VPS13B: variants seen among roughly 807,000 people sequenced by gnomAD.
The protein encoded by VPS13B is vacuolar protein sorting 13 homolog B.
Under a neutral mutation model 426.4 loss-of-function variants are expected in VPS13B, and 285 were observed. That is an observed-to-expected ratio of 0.67 (90% CI 0.61 to 0.74). The LOEUF (loss-of-function observed/expected upper bound fraction) is 0.74, where lower values mean the gene tolerates loss of function less well. Among genes scored for constraint, VPS13B ranks in the 30% least tolerant of loss-of-function variants. The probability of loss-of-function intolerance (pLI) is 0.00; values close to 1 mark genes in which losing one functional copy is unlikely to be tolerated. For missense variants in VPS13B, 4,537 were observed against 4,782.6 expected (o/e 0.95, Z 1.51); for synonymous variants, 1,676 against 1,676.4 (o/e 1.00, Z 0.01).
At chr8:99,275,335 A>ATT (rs200867011) in intron 19 of VPS13B, 81 bp downstream of exon 19, 992 of 936,500 alleles carry the variant, frequency 1.1e-3, no homozygotes, top group South Asian at 1.5e-3. Flanking sequence ...ATTGGTATAT[A>ATT]TTTTTTTTTT....
At chr8:99,559,724 C>G (rs533372130) in intron 31 of VPS13B, among the ~76,000 whole-genome samples, 2 of 151,986 alleles carry the variant, frequency 1.3e-5, no homozygotes, top group African/African-American at 4.8e-5. Flanking sequence ...TGTAGATACG[C>G]GGCATTATTT....
intron 33 of VPS13B, among the ~76,000 whole-genome samples, chr8:99,619,541 A>G (rs574787355): frequency 1.3e-5 from 2 of 152,284 alleles, no homozygotes; most frequent in South Asian, 4.1e-4. Flanking sequence ...CTGCTCTTCT[A>G]TGCCTCAGTT....
intron 33 of VPS13B, among the ~76,000 whole-genome samples, chr8:99,588,291 G>A (rs1826415723): frequency 6.6e-6 from 1 of 151,624 alleles, no homozygotes; most frequent in Non-Finnish European, 1.5e-5. Context: ...GGATTGTCTT[G>A]GCAATGAGGG....
At chr8:99,166,787 ACTTACT>A (rs1464264356) in intron 15 of VPS13B, among the ~76,000 whole-genome samples, 1 of 152,200 alleles carries the variant, frequency 6.6e-6, no homozygotes, top group Non-Finnish European at 1.5e-5. Context: ...AAGCTGAAGG[ACTTACT>A]CTTACTGATT....
intron 37 of VPS13B, among the ~76,000 whole-genome samples, 183 bp from the exon 38 acceptor site, chr8:99,720,162 A>G (rs550614329): frequency 6.6e-6 from 1 of 152,224 alleles, no homozygotes; most frequent in South Asian, 2.1e-4. Context: ...TTTTGTTGTT[A>G]TATATTTATT....
intron 36 of VPS13B, among the ~76,000 whole-genome samples, chr8:99,713,265 G>A (rs940510058): frequency 2.0e-5 from 3 of 152,148 alleles, no homozygotes; most frequent in African/African-American, 4.8e-5. Context: ...ATGTTGTCAA[G>A]CCCATTCCTA....
At chr8:99,790,421 A>T (rs546064136) in intron 43 of VPS13B, among the ~76,000 whole-genome samples, 1 of 152,162 alleles carries the variant, frequency 6.6e-6, no homozygotes, top group African/African-American at 2.4e-5. Flanking sequence ...TGTATTACTT[A>T]TTGCGTTTAA....
In VPS13B at chr8:99,766,800, T is replaced by G; in HGVS notation, c.7077T>G (p.Asp2359Glu). 1 of 1,613,918 alleles carries G rather than the reference T, an allele frequency of 6.2e-7. No homozygotes were observed. The highest frequency in any genetic ancestry group is 8.5e-7 in the Non-Finnish European group (1 of 1,179,936). Residue 2359 changes from aspartate to glutamate, a missense_variant, in exon 40 of 62, where the codon GAT becomes GAG. Asp to Glu is a conservative substitution (Grantham distance 45). Transcript: ENST00000357162. ...TTCCTTGTAGCTTGGAATACTGGGA[T>G]GAACTCCAGAAGGTTTTTGTTGCAT... ...LQVPCSLEYWDELQKVFVAFR... is the reference protein window; with the variant it reads ...LQVPCSLEYWEELQKVFVAFR...
At chr8:99,861,975 CTG>C (rs1816861544) in intron 58 of VPS13B, 29 bp downstream of exon 58, 1 of 1,557,598 alleles carries the variant, frequency 6.4e-7, no homozygotes, top group Non-Finnish European at 8.7e-7. Context: ...TCCCACCTGT[CTG>C]TACTCCAGCA....
At chr8:99,384,187 T>G (rs1588315640) in intron 19 of VPS13B, 21 bp from the exon 20 acceptor site, 1 of 1,594,180 alleles carries the variant, frequency 6.3e-7, no homozygotes, top group East Asian at 2.2e-5. Flanking sequence ...TATGTAACAG[T>G]TTAAAAATCT....
intron 23 of VPS13B, among the ~76,000 whole-genome samples, chr8:99,443,113 C>T (rs1400859291): frequency 2.0e-5 from 3 of 151,882 alleles, no homozygotes; most frequent in Non-Finnish European, 4.4e-5. Flanking sequence ...ATCCTTTCTC[C>T]AATATATATA....
At chr8:99,436,216 A>G (rs1305381568) in intron 22 of VPS13B, among the ~76,000 whole-genome samples, 1 of 152,194 alleles carries the variant, frequency 6.6e-6, no homozygotes, top group African/African-American at 2.4e-5. Flanking sequence ...TATTTGTAGT[A>G]TAAAATGGAT....
intron 38 of VPS13B, 28 bp from the exon 39 acceptor site, chr8:99,720,835 T>C (rs1032086178): frequency 7.9e-5 from 125 of 1,585,400 alleles, no homozygotes; most frequent in Non-Finnish European, 1.1e-4. Context: ...CTTTAAATCA[T>C]ACAATTAATT....
chr8:99,210,940 A>G (rs943039277), intron 17 of VPS13B, among the ~76,000 whole-genome samples: 1 of 152,092 alleles, frequency 6.6e-6, no homozygotes, highest in African/African-American at 2.4e-5. Context: ...TCCTATTGGT[A>G]TGGCGTTCTT....
rs1236212587 is a variant in VPS13B at position 99,640,049 on chromosome 8, GAGAAAAGAAAAGAAAAGAAAAGAA to G, written c.5221-1760_5221-1737del. Among the ~76,000 whole-genome samples, 219 of 99,730 alleles carry G rather than the reference GAGAAAAGAAAAGAAAAGAAAAGAA, an allele frequency of 2.2e-3. 4 individuals are homozygous for G. The highest frequency in any genetic ancestry group is 3.0e-3 in the Non-Finnish European group (150 of 50,512). 65.4% of individuals were successfully genotyped at this position (99,730 alleles called of 152,430 possible). On this transcript the variant is annotated intron_variant, in intron 33 of 61. Transcript: ENST00000357162. ...ATAAGAAGAAGAAGAAGAAGAAGAAGAGAAAAGAAAAGAAAAGAAAAGAAAAGAAAAGAAAAGAAAAGAAAAGAA... is the reference window on the plus strand; with the variant it reads ...ATAAGAAGAAGAAGAAGAAGAAGAAGAAGAAAAGAAAAGAAAAGAAAAGAA...
At chr8:99,272,140 G>A (rs1818639296) in intron 17 of VPS13B, among the ~76,000 whole-genome samples, 1 of 152,106 alleles carries the variant, frequency 6.6e-6, no homozygotes, top group Admixed American at 6.5e-5. Flanking sequence ...ATCATAGAAA[G>A]TGTATGATCT....
chr8:99,113,806 G>A (rs539247416), intron 6 of VPS13B, among the ~76,000 whole-genome samples: 60 of 150,620 alleles, frequency 4.0e-4, no homozygotes, highest in Non-Finnish European at 3.1e-4. Context: ...CTCATGATCC[G>A]CCTGGCTCAG....
chr8:99,709,361 T>C (rs1464812128), intron 36 of VPS13B, among the ~76,000 whole-genome samples: 1 of 152,186 alleles, frequency 6.6e-6, no homozygotes, highest in African/African-American at 2.4e-5. Flanking sequence ...ACTGACAACA[T>C]AGGGCTGGCA....
At chr8:99,861,180 T>C (rs1055028524) in intron 57 of VPS13B, among the ~76,000 whole-genome samples, 8 of 152,212 alleles carry the variant, frequency 5.3e-5, no homozygotes, top group Non-Finnish European at 1.2e-4. Flanking sequence ...TAAATTATAG[T>C]GAAGGATAGT....
Sources: gnomAD v4.1 joint callset for allele counts (sites outside exome capture counted in the v4.1 genomes callset) on GRCh38, gnomAD v4.1.1 for gene constraint, MANE v1.5 for transcripts, NCBI Gene and HGNC (gene_info 2026-07-23, HGNC 2026-07-21) for gene names.